The following NAV3 variants were observed in gnomAD, a reference collection of about 807,000 sequenced individuals.
NAV3 encodes the protein pore membrane and/or filament interacting like protein 1.
In NAV3, 87 loss-of-function variants were observed where a neutral mutation model predicts 244.7. The ratio of observed to expected loss-of-function variants is 0.36; its 90% confidence interval spans 0.30 to 0.42. The LOEUF (loss-of-function observed/expected upper bound fraction) is 0.42, where lower values mean the gene tolerates loss of function less well. NAV3 is among the 20% of genes least tolerant of loss of function. The probability of loss-of-function intolerance (pLI) is 1.00; values close to 1 mark genes in which losing one functional copy is unlikely to be tolerated. For synonymous variants in NAV3, 1,126 were observed against 1,042.2 expected (o/e 1.08, Z -1.55); for missense variants, 2,663 against 2,893.3 (o/e 0.92, Z 1.83).
At chr12:77,995,015 C>T (rs1872118218) in intron 6 of NAV3, 144 bp downstream of exon 6, 2 of 572,754 alleles carry the variant, frequency 3.5e-6, no homozygotes, top group Admixed American at 3.3e-5. Context: ...GATTTTCACA[C>T]ATAGCCTCAG....
chr12:78,078,269 G>T (rs1004137041), intron 12 of NAV3, among the ~76,000 whole-genome samples: 6 of 150,718 alleles, frequency 4.0e-5, no homozygotes, highest in African/African-American at 9.8e-5. Context: ...TTTTTGGAAG[G>T]TACACAATTC....
At chr12:77,954,689 T>C (rs1891202277) in intron 3 of NAV3, among the ~76,000 whole-genome samples, 1 of 152,176 alleles carries the variant, frequency 6.6e-6, no homozygotes, top group Non-Finnish European at 1.5e-5. Flanking sequence ...TTCCATTCTT[T>C]ACATGCACAG....
At chr12:78,098,986 C>G (rs972721587) in intron 12 of NAV3, among the ~76,000 whole-genome samples, 1 of 148,326 alleles carries the variant, frequency 6.7e-6, no homozygotes, top group Non-Finnish European at 1.5e-5. Context: ...TTGGCACTGT[C>G]ATATGGGTGG....
chr12:78,185,509 G>C (rs1456678752), intron 30 of NAV3, 92 bp from the exon 31 acceptor site: 2 of 1,082,180 alleles, frequency 1.8e-6, no homozygotes, highest in Non-Finnish European at 2.7e-6. Context: ...CCCATTGAAA[G>C]ATATAAAACT....
intron 12 of NAV3, among the ~76,000 whole-genome samples, chr12:78,106,512 A>G (rs1364593007): frequency 6.6e-6 from 1 of 152,236 alleles, no homozygotes. Context: ...GATTCAATAT[A>G]ATGGTGAACA....
At chr12:78,171,431 T>G (rs527861655) in intron 24 of NAV3, among the ~76,000 whole-genome samples, 1 of 151,638 alleles carries the variant, frequency 6.6e-6, no homozygotes, top group Non-Finnish European at 1.5e-5. Flanking sequence ...TTGGAATTCT[T>G]TTGCTCAGAA....
At chr12:77,771,847 G>T (rs368694633) in intron 2 of NAV3, among the ~76,000 whole-genome samples, 2 of 151,866 alleles carry the variant, frequency 1.3e-5, no homozygotes, top group East Asian at 1.9e-4. Context: ...CACCGACATG[G>T]CACATGTATA....
At chr12:78,206,480 A>G (rs931576097) in intron 39 of NAV3, among the ~76,000 whole-genome samples, 38 of 152,266 alleles carry the variant, frequency 2.5e-4, no homozygotes, top group Non-Finnish European at 5.0e-4. Context: ...TGTCTGTTTT[A>G]TAAGGAGAGG....
At chr12:77,994,734 T>G in intron 5 of NAV3, 69 bp from the exon 6 acceptor site, 1 of 1,227,332 alleles carries the variant, frequency 8.1e-7, no homozygotes, top group Non-Finnish European at 1.2e-6. Context: ...AGTTTTCTTG[T>G]AAGTTTGTGC....
chr12:77,999,537 T>C (rs1872888234), intron 7 of NAV3, among the ~76,000 whole-genome samples: 1 of 152,224 alleles, frequency 6.6e-6, no homozygotes, highest in Non-Finnish European at 1.5e-5. Flanking sequence ...CAAGACACTC[T>C]TTTGTGTAAA....
intron 29 of NAV3, 91 bp downstream of exon 29, chr12:78,179,773 C>G: frequency 2.9e-6 from 4 of 1,360,054 alleles, no homozygotes; most frequent in Non-Finnish European, 4.0e-6. Context: ...ATAAATTCCA[C>G]TTGGAAACCC....
At chr12:77,923,320 G>A (rs1046681550) in intron 1 of NAV3, among the ~76,000 whole-genome samples, 1 of 152,046 alleles carries the variant, frequency 6.6e-6, no homozygotes, top group Non-Finnish European at 1.5e-5. Flanking sequence ...CATTGCTTAT[G>A]TTTTTAAATA....
chr12:78,127,865 A>G (rs1955987016), intron 17 of NAV3, among the ~76,000 whole-genome samples: 1 of 152,142 alleles, frequency 6.6e-6, no homozygotes, highest in Non-Finnish European at 1.5e-5. Flanking sequence ...TAATCTCAAA[A>G]TAATTATTCC....
At chr12:77,761,139 A>G (rs981996468) in intron 2 of NAV3, among the ~76,000 whole-genome samples, 1 of 152,000 alleles carries the variant, frequency 6.6e-6, no homozygotes. Context: ...GCTCACTGCA[A>G]CCTCCGCCTC....
In NAV3 at chr12:78,118,171, C is replaced by T. The variant is rs766000550; in HGVS notation, c.2914C>T (p.Pro972Ser). Residue 972 changes from proline to serine, a missense_variant, in exon 14 of 40, where the codon CCC becomes TCC. By Grantham distance (74) the Pro-to-Ser change is moderately conservative (BLOSUM62 -1). This residue lies in a region of NAV3 where 1,521 missense variants were observed against 1,497.0 expected (regional missense o/e 1.02). Coordinates refer to ENST00000397909, the MANE Select transcript of NAV3 (RefSeq NM_001024383.2). ...TGTGTCCTCTGGACTTCCTGAAGAC[C>T]CCGAGAAGGCAGGGCAGAAAGCTTC... is the stretch of plus-strand genomic sequence containing the variant. ...KTVSSGLPED[P>S]EKAGQKASLS... 1 of 1,613,792 alleles carries T rather than the reference C, an allele frequency of 6.2e-7. No individual in the cohort carries two copies. The highest frequency in any genetic ancestry group is 1.1e-5 in the South Asian group (1 of 91,030).
At chr12:77,887,266 G>A (rs932979296) in intron 1 of NAV3, among the ~76,000 whole-genome samples, 1 of 152,086 alleles carries the variant, frequency 6.6e-6, no homozygotes, top group African/African-American at 2.4e-5. Context: ...TCATGAGATG[G>A]AAGACTTAGA....
rs193136622 is a variant in NAV3, at chr12:77,777,671, C to T, written c.73-162648C>T. On this transcript the variant is annotated intron_variant, in intron 2 of 8. Transcript: ENST00000550042. ...CAGTGGATAAGGGGTACTACTATAT[C>T]GTTAGGATAATAAAGTAGACTACAA... Among the ~76,000 whole-genome samples the T allele has an allele frequency of 2.2e-3, 328 of 152,132 alleles. 3 individuals carry two copies. The highest frequency in any genetic ancestry group is 7.5e-3 in the African/African-American group (313 of 41,496).
intron 38 of NAV3, among the ~76,000 whole-genome samples, chr12:78,204,444 T>TTCCTAC (rs1328292171): frequency 6.6e-6 from 1 of 152,136 alleles, no homozygotes; most frequent in African/African-American, 2.4e-5. Context: ...AGAGAAAGTT[T>TTCCTAC]TCCTACTCTA....
chr12:78,170,533 T>C (rs943908758), intron 24 of NAV3, among the ~76,000 whole-genome samples: 5 of 151,750 alleles, frequency 3.3e-5, no homozygotes, highest in Non-Finnish European at 7.4e-5. Flanking sequence ...CATCTACAGG[T>C]ATCCCATTCA....
Sources: allele counts gnomAD v4.1 joint callset (sites outside exome capture counted in the v4.1 genomes callset), GRCh38; gene constraint gnomAD v4.1.1; regional missense constraint gnomAD v4.1.1; transcripts MANE v1.5; gene names NCBI Gene and HGNC (gene_info 2026-07-23, HGNC 2026-07-21).